Variants in ARRB1 observed in about 807,000 individuals in gnomAD.
ARRB1 encodes the protein arrestin beta 1.
Under a neutral mutation model 56.8 loss-of-function variants are expected in ARRB1, and 21 were observed. The observed-to-expected ratio is 0.37, with a 90% confidence interval of 0.26 to 0.53. ARRB1 has a LOEUF of 0.53. Among genes scored for constraint, ARRB1 ranks in the 20% least tolerant of loss-of-function variants. The probability of loss-of-function intolerance (pLI) is 0.88; values close to 1 mark genes in which losing one functional copy is unlikely to be tolerated. For synonymous variants in ARRB1, 210 were observed against 218.6 expected, an observed-to-expected ratio of 0.96 and a Z score of 0.35; for missense variants, 424 against 553.7, an observed-to-expected ratio of 0.77 and a Z score of 2.35.
chr11:75,343,095 C>T (rs972489070), intron 1 of ARRB1, among the ~76,000 whole-genome samples: 9 of 152,170 alleles, frequency 5.9e-5, no homozygotes, highest in Admixed American at 3.3e-4. Flanking sequence ...GCCAGGTCTG[C>T]GCAGGTGCTG....
At chr11:75,276,747 G>C in intron 10 of ARRB1, 92 bp downstream of exon 10, 1 of 1,306,856 alleles carries the variant, frequency 7.7e-7, no homozygotes, top group African/African-American at 1.4e-5. Flanking sequence ...GCCAGGTGGA[G>C]AAGAGCCACC....
chr11:75,351,483 G>T, intron 1 of ARRB1, 105 bp downstream of exon 1: 1 of 1,462,374 alleles, frequency 6.8e-7, no homozygotes. Flanking sequence ...ACTAGATCCC[G>T]CGGTGGCCGC....
intron 1 of ARRB1, among the ~76,000 whole-genome samples, chr11:75,326,604 GCAC>G (rs1340134571): frequency 2.0e-5 from 3 of 151,824 alleles, no homozygotes; most frequent in Admixed American, 2.0e-4. Context: ...CTCCCACTCA[GCAC>G]CCTTACCTGC....
At chr11:75,309,762 G>A (rs1375841268) in intron 1 of ARRB1, among the ~76,000 whole-genome samples, 1 of 152,184 alleles carries the variant, frequency 6.6e-6, no homozygotes, top group African/African-American at 2.4e-5. Flanking sequence ...TTAAATAAAT[G>A]CATTTCCATT....
intron 1 of ARRB1, among the ~76,000 whole-genome samples, chr11:75,301,638 C>T (rs1259305488): frequency 6.6e-6 from 1 of 152,190 alleles, no homozygotes; most frequent in Non-Finnish European, 1.5e-5. Flanking sequence ...TTCACTCAGA[C>T]GCAGCCACCC....
intron 8 of ARRB1, 37 bp from the exon 9 acceptor site, chr11:75,277,485 G>A (rs1455779526): frequency 1.3e-6 from 2 of 1,579,608 alleles, no homozygotes; most frequent in Non-Finnish European, 1.7e-6. Context: ...TGGCTGGGAG[G>A]ACAGCAAGGT....
intron 1 of ARRB1, among the ~76,000 whole-genome samples, chr11:75,325,501 T>C (rs1947415944): frequency 6.6e-6 from 1 of 152,152 alleles, no homozygotes; most frequent in Non-Finnish European, 1.5e-5. Context: ...TTTGTATTTT[T>C]AGTAGAGACA....
intron 15 of ARRB1, among the ~76,000 whole-genome samples, chr11:75,266,583 G>C (rs557340056): frequency 1.3e-5 from 2 of 152,106 alleles, no homozygotes; most frequent in Non-Finnish European, 2.9e-5. Context: ...TTTAGGAGGT[G>C]GGGGGAGCAG....
chr11:75,338,604 C>A (rs550387228), intron 1 of ARRB1, among the ~76,000 whole-genome samples: 2 of 152,162 alleles, frequency 1.3e-5, no homozygotes, highest in African/African-American at 4.8e-5. Context: ...TGAAAGTTCT[C>A]CCTACTACAA....
In ARRB1 at chr11:75,283,346, G is replaced by T. The variant is rs369966242; in HGVS notation, c.295C>A (p.Arg99=). The part of the protein sequence containing the change: ...PAPEDKKPLT[R]LQERLIKKLG... ...TTCTTGATGAGGCGTTCCTGCAGCC[G>T]CGTCAGGGGCTTCTTGTCCTCGGGG... The change falls in exon 5 of 16, where the codon CGG becomes AGG. Residue 99 remains arginine (R), a synonymous_variant. Transcript: ENST00000420843. 73 of 1,614,050 alleles carry T rather than the reference G, an allele frequency of 4.5e-5. No homozygotes were observed. In the Middle Eastern group the frequency reaches 5.0e-4, roughly 11 times the overall value.
chr11:75,348,606 T>A (rs1333155558), intron 1 of ARRB1, among the ~76,000 whole-genome samples: 3 of 152,094 alleles, frequency 2.0e-5, no homozygotes, highest in Admixed American at 1.3e-4. Flanking sequence ...ATTTTTTTTT[T>A]TTATTTTTTC....
At chr11:75,326,677 G>A (rs930088237) in intron 1 of ARRB1, among the ~76,000 whole-genome samples, 3 of 149,610 alleles carry the variant, frequency 2.0e-5, no homozygotes, top group South Asian at 2.1e-4. Context: ...ATGTCTCATC[G>A]CAACCCCATC....
intron 1 of ARRB1, among the ~76,000 whole-genome samples, chr11:75,336,184 C>T (rs897674231): frequency 5.9e-5 from 9 of 152,218 alleles, no homozygotes; most frequent in South Asian, 2.1e-4. Flanking sequence ...GCTACCAAGG[C>T]GGAAGAGTAG....
intron 3 of ARRB1, 168 bp from the exon 4 acceptor site, chr11:75,284,447 C>T (rs917076489): frequency 5.4e-6 from 3 of 551,784 alleles, no homozygotes; most frequent in Non-Finnish European, 9.4e-6. Flanking sequence ...CTCCACCACG[C>T]TCCACCCTTC....
intron 2 of ARRB1, among the ~76,000 whole-genome samples, chr11:75,288,379 C>A (rs544821533): frequency 6.6e-6 from 1 of 152,276 alleles, no homozygotes; most frequent in African/African-American, 2.4e-5. Context: ...GAGGGAAAAA[C>A]CCCCGAGACA....
At position 75,266,114 on chromosome 11, in the gene ARRB1, G is replaced by A. The variant is rs772318058; in HGVS notation, c.*49C>T. 2.4e-5 allele frequency: 34 copies of A among 1,394,200 alleles called. No individual in the cohort carries two copies. The highest frequency in any genetic ancestry group is 3.1e-5 in the Non-Finnish European group (30 of 980,216). 86.4% of individuals were successfully genotyped at this position (1,394,200 alleles called of 1,614,324 possible). A position where few individuals can be genotyped will look rare whatever the true frequency, so the allele number is the denominator to read the frequency against. ...ACAGGAAGAAGACGAGTAAGCATCC[G>A]AGTGCACGAGAGTGGAGCCGGAGCC... On this transcript the variant is annotated 3_prime_UTR_variant, in exon 16 of 16. Coordinates refer to ENST00000420843, the MANE Select transcript of ARRB1 (RefSeq NM_004041.5).
At chr11:75,303,722 G>A (rs1946958711) in intron 1 of ARRB1, 1 of 455,936 alleles carries the variant, frequency 2.2e-6, no homozygotes, top group East Asian at 6.9e-5. Flanking sequence ...GGTGGGAGGA[G>A]GTGCATGTGT....
intron 1 of ARRB1, among the ~76,000 whole-genome samples, chr11:75,302,272 C>A (rs1417648594): frequency 6.6e-6 from 1 of 152,200 alleles, no homozygotes; most frequent in African/African-American, 2.4e-5. Context: ...CAGCAATTCC[C>A]CAAGCCTCCT....
At chr11:75,289,976 G>A (rs1946566628) in intron 2 of ARRB1, 33 bp downstream of exon 2, 2 of 1,614,006 alleles carry the variant, frequency 1.2e-6, no homozygotes, top group African/African-American at 2.7e-5. Context: ...TGTGAGGTCA[G>A]GGAGGCGCTG....
Sources: gnomAD v4.1 joint callset for allele counts (sites outside exome capture counted in the v4.1 genomes callset) on GRCh38, gnomAD v4.1.1 for gene constraint, MANE v1.5 for transcripts, NCBI Gene and HGNC (gene_info 2026-07-23, HGNC 2026-07-21) for gene names.